The following RETREG1 variants were observed in gnomAD, a reference collection of about 807,000 sequenced individuals.
The protein encoded by RETREG1 is reticulophagy regulator 1, also known as family with sequence similarity 134 member B.
Under a neutral mutation model 54.8 loss-of-function variants are expected in RETREG1, and 44 were observed. The ratio of observed to expected loss-of-function variants is 0.80; its 90% CI spans 0.63 to 1.03. RETREG1 has a LOEUF of 1.03. Ranked by LOEUF, RETREG1 falls within the 50% of genes least tolerant of loss-of-function variation. RETREG1 has a pLI of 0.00. For missense variants in RETREG1, 554 were observed against 605.1 expected (o/e 0.92, Z 0.89); for synonymous variants, 217 against 238.5 (o/e 0.91, Z 0.83).
chr5:16,476,666 A>G (rs994856714), intron 8 of RETREG1, among the ~76,000 whole-genome samples: 18 of 150,948 alleles, frequency 1.2e-4, no homozygotes, highest in East Asian at 7.9e-4. Flanking sequence ...AACCAAACAC[A>G]CTGCCTGTTC....
rs755796716 is a variant in RETREG1 at position 16,475,268 on chromosome 5, C to G, written c.1001-34G>C. On this transcript the variant is annotated intron_variant, in intron 8 of 8. Coordinates refer to ENST00000306320, the MANE Select transcript of RETREG1 (RefSeq NM_001034850.3). ...TGGATAACAGAAGTTCAGACTGAAGCACCATAACAAATTTCAAATAAAAGT... is the reference window on the plus strand; with the variant it reads ...TGGATAACAGAAGTTCAGACTGAAGGACCATAACAAATTTCAAATAAAAGT... The G allele has an allele frequency of 6.6e-5, 106 of 1,604,180 alleles. No individual in the cohort carries two copies. The East Asian group carries it at 2.3e-3, about 34-fold the overall frequency.
chr5:16,499,423 T>C (rs1739608669), intron 3 of RETREG1, among the ~76,000 whole-genome samples: 1 of 152,206 alleles, frequency 6.6e-6, no homozygotes. Context: ...AACTAGTAAT[T>C]TCTAAGAAAC....
rs1222603613 is a variant in RETREG1, at chr5:16,597,792, G to C, written c.320+18860C>G. ...ATCACATCAGTGCCAGGGGTTGTTTGTAATGGCCCGTCAGTTCTCCAGGCC... is the reference window on the plus strand; with the variant it reads ...ATCACATCAGTGCCAGGGGTTGTTTCTAATGGCCCGTCAGTTCTCCAGGCC... On this transcript the variant is annotated intron_variant, in intron 1 of 8. Coordinates refer to ENST00000306320, the MANE Select transcript of RETREG1 (RefSeq NM_001034850.3). The surrounding 1 kb of genome is among the most constrained non-coding windows in gnomAD (Gnocchi z 4.3). Among the ~76,000 whole-genome samples the C allele has an allele frequency of 6.6e-6, 1 of 152,150 alleles. No individual in the cohort carries two copies. Among genetic ancestry groups the C allele is most frequent in the Non-Finnish European group, 1.5e-5 (1 of 68,040 alleles).
intron 1 of RETREG1, chr5:16,615,781 A>G (rs1303693100): frequency 6.6e-6 from 1 of 152,242 alleles, no homozygotes; most frequent in African/African-American, 2.4e-5. Flanking sequence ...TTTAAGGTTC[A>G]GAAATCTCTG....
intron 1 of RETREG1, among the ~76,000 whole-genome samples, chr5:16,588,849 C>CAG (rs1199275687): frequency 6.6e-6 from 1 of 152,194 alleles, no homozygotes; most frequent in East Asian, 1.9e-4. Flanking sequence ...ACACAGGACA[C>CAG]AGAGAAGCAA....
At chr5:16,573,295 G>A (rs1221028649) in intron 1 of RETREG1, among the ~76,000 whole-genome samples, 2 of 151,172 alleles carry the variant, frequency 1.3e-5, no homozygotes, top group African/African-American at 2.4e-5. Flanking sequence ...TCTCTGCAGG[G>A]AAACAAACTA....
chr5:16,603,338 AAAAC>A (rs1743096753), intron 1 of RETREG1, among the ~76,000 whole-genome samples: 1 of 152,240 alleles, frequency 6.6e-6, no homozygotes, highest in South Asian at 2.1e-4. Context: ...TAAGATTAGA[AAAAC>A]AAACACAGAG....
At chr5:16,555,093 T>G (rs1275294099) in intron 3 of RETREG1, among the ~76,000 whole-genome samples, 1 of 152,086 alleles carries the variant, frequency 6.6e-6, no homozygotes, top group Non-Finnish European at 1.5e-5. Context: ...ATTGCAGTAA[T>G]TATTTTCTGA....
At chr5:16,554,331 G>T (rs765554667) in intron 3 of RETREG1, among the ~76,000 whole-genome samples, 1 of 152,108 alleles carries the variant, frequency 6.6e-6, no homozygotes, top group African/African-American at 2.4e-5. Context: ...TGACTGGGCC[G>T]TGCCAGTCTC....
intron 3 of RETREG1, among the ~76,000 whole-genome samples, chr5:16,530,964 A>G (rs1740900425): frequency 6.6e-6 from 1 of 152,234 alleles, no homozygotes; most frequent in South Asian, 2.1e-4. Flanking sequence ...GAATTTCAAC[A>G]TAAGGAAGAA....
intron 3 of RETREG1, among the ~76,000 whole-genome samples, chr5:16,502,352 A>C (rs191384): frequency 0.54 from 82,221 of 152,054 alleles, 22,422 homozygotes; most frequent in Middle Eastern, 0.59. Context: ...TATGTCCCCT[A>C]CCCTCTAATC....
intron 1 of RETREG1, among the ~76,000 whole-genome samples, chr5:16,595,855 A>G (rs1742884636): frequency 6.6e-6 from 1 of 152,192 alleles, no homozygotes; most frequent in African/African-American, 2.4e-5. Context: ...GAGATCTGTC[A>G]ATACTCCAGA....
chr5:16,561,959 C>A lies in RETREG1; in HGVS notation c.458+3804G>T, dbSNP rs1485777370. 6.6e-6 allele frequency among the ~76,000 whole-genome samples: 1 copy of A among 152,180 alleles called. No individual in the cohort carries two copies. Among genetic ancestry groups the A allele is most frequent in the Non-Finnish European group, 1.5e-5 (1 of 68,042 alleles). ...CTCAGCTTGTCTAATCTTTCCCCAACCACAGTTAGAGAGAAAGCCTCGATT... is the reference window on the plus strand; with the variant it reads ...CTCAGCTTGTCTAATCTTTCCCCAAACACAGTTAGAGAGAAAGCCTCGATT... On this transcript the variant is annotated intron_variant, in intron 3 of 8. Transcript: ENST00000306320. The surrounding 1 kb of genome is among the most constrained non-coding windows in gnomAD (Gnocchi z 4.2).
intron 3 of RETREG1, among the ~76,000 whole-genome samples, chr5:16,543,811 C>T (rs889712293): frequency 6.6e-6 from 1 of 151,972 alleles, no homozygotes; most frequent in Admixed American, 6.6e-5. Context: ...AGTCTTTTTT[C>T]CATTTCATCC....
intron 3 of RETREG1, among the ~76,000 whole-genome samples, chr5:16,540,908 T>C (rs1741222366): frequency 6.6e-6 from 1 of 152,172 alleles, no homozygotes; most frequent in African/African-American, 2.4e-5. Context: ...TCTAATGGGT[T>C]ATTCAGGCCA....
At chr5:16,546,182 T>C (rs1337978257) in intron 3 of RETREG1, among the ~76,000 whole-genome samples, 1 of 152,248 alleles carries the variant, frequency 6.6e-6, no homozygotes, top group Non-Finnish European at 1.5e-5. Flanking sequence ...TCTTTTTTTT[T>C]TCTTACACAG....
intron 5 of RETREG1, among the ~76,000 whole-genome samples, chr5:16,479,189 G>A (rs1738665727): frequency 1.3e-5 from 2 of 151,614 alleles, no homozygotes; most frequent in South Asian, 4.2e-4. Flanking sequence ...ACACACACAT[G>A]CATCCCACAC....
At chr5:16,570,582 AT>A (rs1212956141) in intron 2 of RETREG1, among the ~76,000 whole-genome samples, 1 of 152,186 alleles carries the variant, frequency 6.6e-6, no homozygotes, top group African/African-American at 2.4e-5. Context: ...ATGTCCTGAG[AT>A]TTCCCTGAGG....
intron 3 of RETREG1, among the ~76,000 whole-genome samples, chr5:16,550,454 A>G (rs1016969728): frequency 4.6e-5 from 7 of 152,102 alleles, no homozygotes; most frequent in Admixed American, 6.6e-5. Flanking sequence ...CAATTTTCCA[A>G]TATTTATGGA....
Sources: allele counts gnomAD v4.1 joint callset (sites outside exome capture counted in the v4.1 genomes callset), GRCh38; gene constraint gnomAD v4.1.1; non-coding constraint Gnocchi (gnomAD v3.1); transcripts MANE v1.5; gene names NCBI Gene and HGNC (gene_info 2026-07-23, HGNC 2026-07-21).